Variants in RBFOX1 observed in about 807,000 individuals in gnomAD.
RBFOX1 encodes the protein RNA binding protein fox-1 homolog 1.
RBFOX1 carries 8 observed loss-of-function variants against 57.7 expected under a neutral mutation model. The ratio of observed to expected loss-of-function variants is 0.14; its 90% CI spans 0.08 to 0.25. RBFOX1 has a LOEUF of 0.25. Among genes scored for constraint, RBFOX1 ranks in the 10% least tolerant of loss-of-function variants. The probability of loss-of-function intolerance (pLI) is 1.00; values close to 1 mark genes in which losing one functional copy is unlikely to be tolerated. For synonymous variants in RBFOX1, 326 were observed against 222.4 expected, an observed-to-expected ratio of 1.47 and a Z score of -4.15; for missense variants, 611 against 548.5, an observed-to-expected ratio of 1.11 and a Z score of -1.14.
chr16:7,149,966 AC>A (rs1370534259), intron 4 of RBFOX1, among the ~76,000 whole-genome samples: 1 of 151,954 alleles, frequency 6.6e-6, no homozygotes, highest in African/African-American at 2.4e-5. Flanking sequence ...TCATACTCAG[AC>A]TTTTATGTAT....
chr16:6,714,142 C>G (rs1454396831), intron 3 of RBFOX1, among the ~76,000 whole-genome samples: 2 of 152,148 alleles, frequency 1.3e-5, no homozygotes, highest in Admixed American at 1.3e-4. Flanking sequence ...TTCCTGCACT[C>G]TCACGCTCTC....
At chr16:7,623,580 A>G (rs1233184189) in intron 10 of RBFOX1, among the ~76,000 whole-genome samples, 3 of 152,192 alleles carry the variant, frequency 2.0e-5, no homozygotes, top group South Asian at 2.1e-4. Context: ...ATGAAGTAAC[A>G]TGAACAATGA....
At chr16:6,462,054 C>G (rs2094932575) in intron 2 of RBFOX1, among the ~76,000 whole-genome samples, 1 of 152,080 alleles carries the variant, frequency 6.6e-6, no homozygotes, top group Non-Finnish European at 1.5e-5. Context: ...CCTTATTTTT[C>G]CTTTTCAACA....
intron 12 of RBFOX1, among the ~76,000 whole-genome samples, chr16:7,657,930 A>G (rs748229251): frequency 6.6e-6 from 1 of 152,218 alleles, no homozygotes; most frequent in Non-Finnish European, 1.5e-5. Flanking sequence ...TCCTAGGAAG[A>G]CACTGGATTT....
At chr16:6,169,599 C>T (rs1434174296) in intron 1 of RBFOX1, among the ~76,000 whole-genome samples, 1 of 152,130 alleles carries the variant, frequency 6.6e-6, no homozygotes, top group Non-Finnish European at 1.5e-5. Flanking sequence ...AAATGAGGTA[C>T]AGAAATTAGA....
At chr16:6,887,080 T>C (rs1467302527) in intron 3 of RBFOX1, among the ~76,000 whole-genome samples, 2 of 152,210 alleles carry the variant, frequency 1.3e-5, no homozygotes, top group Non-Finnish European at 2.9e-5. Flanking sequence ...GGATTTTCCC[T>C]GCAGCTTCAA....
chr16:7,671,992 G>A (rs1341528812), intron 13 of RBFOX1, among the ~76,000 whole-genome samples: 1 of 152,156 alleles, frequency 6.6e-6, no homozygotes, highest in Non-Finnish European at 1.5e-5. Context: ...GGTTCTAATT[G>A]AACCAATTGT....
At chr16:7,351,668 G>A (rs572063746) in intron 4 of RBFOX1, among the ~76,000 whole-genome samples, 5 of 151,712 alleles carry the variant, frequency 3.3e-5, no homozygotes, top group South Asian at 4.2e-4. Flanking sequence ...TCTTTTTTTC[G>A]CTTCCTGGGT....
chr16:6,646,709 A>G (rs760206349), intron 2 of RBFOX1, among the ~76,000 whole-genome samples: 3 of 152,020 alleles, frequency 2.0e-5, no homozygotes, highest in South Asian at 2.1e-4. Context: ...TCTCAGTGGT[A>G]TTTTCTAGGT....
intron 4 of RBFOX1, among the ~76,000 whole-genome samples, chr16:5,895,996 C>G (rs912743610): frequency 1.3e-5 from 2 of 152,126 alleles, no homozygotes; most frequent in Non-Finnish European, 2.9e-5. Context: ...GTACGACAAA[C>G]TTGGTGTAAA....
chr16:6,508,309 C>T (rs112093788), intron 2 of RBFOX1, among the ~76,000 whole-genome samples: 1 of 152,026 alleles, frequency 6.6e-6, no homozygotes, highest in African/African-American at 2.4e-5. Flanking sequence ...ACAACAAAAC[C>T]CTATGACACA....
chr16:7,122,588 C>T (rs1214433742), intron 4 of RBFOX1, among the ~76,000 whole-genome samples: 1 of 152,122 alleles, frequency 6.6e-6, no homozygotes, highest in Non-Finnish European at 1.5e-5. Context: ...GTGGAGGATT[C>T]AGAGAAACTG....
chr16:6,797,794 G>T (rs1195865101), intron 3 of RBFOX1, among the ~76,000 whole-genome samples: 2 of 152,110 alleles, frequency 1.3e-5, no homozygotes, highest in Non-Finnish European at 1.5e-5. Flanking sequence ...ATATCATTTG[G>T]TAAGAAGTAA....
chr16:5,555,161 TATGGATGTTG>T (rs2045621482), intron 2 of RBFOX1, among the ~76,000 whole-genome samples: 1 of 152,230 alleles, frequency 6.6e-6, no homozygotes, highest in Non-Finnish European at 1.5e-5. Flanking sequence ...TACCCTCCGC[TATGGATGTTG>T]GTGGATTTGA....
intron 1 of RBFOX1, among the ~76,000 whole-genome samples, chr16:5,251,065 G>A (rs915779625): frequency 6.6e-6 from 1 of 152,072 alleles, no homozygotes; most frequent in African/African-American, 2.4e-5. Context: ...TCTGCACCTC[G>A]GTGTCCTGGG....
At position 7,025,801 on chromosome 16, in the gene RBFOX1, G is replaced by T. The variant is rs146586574; in HGVS notation, c.-15-26256G>T. 4.4e-4 allele frequency among the ~76,000 whole-genome samples: 67 copies of T among 152,262 alleles called. 1 individual carries two copies. The highest frequency in any genetic ancestry group is 1.4e-3 in the African/African-American group (60 of 41,558). ...GAGATGGCCAGCAGATGGCGCTGCAGGGATTCAAACTGGAGCAGCCATATC... is the reference window on the plus strand; with the variant it reads ...GAGATGGCCAGCAGATGGCGCTGCATGGATTCAAACTGGAGCAGCCATATC... On this transcript the variant is annotated intron_variant, in intron 3 of 15. Coordinates refer to ENST00000550418, the MANE Select transcript of RBFOX1 (RefSeq NM_018723.4).
chr16:6,602,459 A>G (rs1017184868), intron 2 of RBFOX1, among the ~76,000 whole-genome samples: 2 of 152,164 alleles, frequency 1.3e-5, no homozygotes, highest in African/African-American at 4.8e-5. Flanking sequence ...GGTGAATCTC[A>G]TGACTCCAGC....
At chr16:5,517,273 C>T (rs1461904101) in intron 2 of RBFOX1, among the ~76,000 whole-genome samples, 1 of 151,974 alleles carries the variant, frequency 6.6e-6, no homozygotes, top group African/African-American at 2.4e-5. Flanking sequence ...CAGAATTGCG[C>T]AGAATTGTTC....
chr16:5,506,018 C>T (rs1469754260), intron 2 of RBFOX1, among the ~76,000 whole-genome samples: 7 of 152,142 alleles, frequency 4.6e-5, no homozygotes, highest in African/African-American at 1.4e-4. Context: ...AAGATGATGC[C>T]TGGATTTCAG....
Sources: allele counts gnomAD v4.1 joint callset (sites outside exome capture counted in the v4.1 genomes callset), GRCh38; gene constraint gnomAD v4.1.1; transcripts MANE v1.5; gene names NCBI Gene and HGNC (gene_info 2026-07-23, HGNC 2026-07-21).